Variants in CACNA2D3 observed in about 807,000 individuals in gnomAD.
CACNA2D3 encodes the protein calcium voltage-gated channel auxiliary subunit alpha2delta 3, also known as voltage-dependent calcium channel subunit alpha-2/delta-3.
In CACNA2D3, 60 loss-of-function variants were observed where a neutral mutation model predicts 160.6. That is an observed-to-expected ratio of 0.37 (90% confidence interval 0.30 to 0.46). The LOEUF is 0.46. Ranked by LOEUF, CACNA2D3 falls within the 20% of genes least tolerant of loss-of-function variation. The pLI is 1.00. For synonymous variants in CACNA2D3, 558 were observed against 492.9 expected, an observed-to-expected ratio of 1.13 and a Z score of -1.75; for missense variants, 1,205 against 1,365.0, an observed-to-expected ratio of 0.88 and a Z score of 1.85.
intron 2 of CACNA2D3, among the ~76,000 whole-genome samples, chr3:54,131,856 G>A (rs1042240681): frequency 5.9e-5 from 9 of 152,246 alleles, no homozygotes; most frequent in African/African-American, 1.9e-4. Flanking sequence ...CTGTAACATT[G>A]TGCTATAATT....
At chr3:54,257,124 A>G (rs1702312666) in intron 2 of CACNA2D3, among the ~76,000 whole-genome samples, 1 of 152,244 alleles carries the variant, frequency 6.6e-6, no homozygotes, top group African/African-American at 2.4e-5. Flanking sequence ...GGAATAGTCC[A>G]TTAGACATTT....
At chr3:54,636,561 G>T (rs1176078710) in intron 10 of CACNA2D3, among the ~76,000 whole-genome samples, 4 of 152,006 alleles carry the variant, frequency 2.6e-5, no homozygotes, top group Non-Finnish European at 5.9e-5. Flanking sequence ...TATTAAAGCA[G>T]CGGCAGCCTC....
chr3:54,216,831 AT>A (rs1701471563), intron 2 of CACNA2D3, among the ~76,000 whole-genome samples: 1 of 152,140 alleles, frequency 6.6e-6, no homozygotes, highest in South Asian at 2.1e-4. Context: ...TCTAGCTCTT[AT>A]TTTTTAGAGC....
chr3:54,443,586 C>G (rs1700176099), intron 4 of CACNA2D3, among the ~76,000 whole-genome samples: 1 of 152,164 alleles, frequency 6.6e-6, no homozygotes, highest in African/African-American at 2.4e-5. Flanking sequence ...CCTGACATGT[C>G]CACCAAGTGT....
chr3:54,940,160 G>A (rs1701431250), intron 27 of CACNA2D3, among the ~76,000 whole-genome samples: 1 of 152,176 alleles, frequency 6.6e-6, no homozygotes, highest in African/African-American at 2.4e-5. Context: ...CACACTCCCA[G>A]TAAGAAGCAT....
intron 4 of CACNA2D3, among the ~76,000 whole-genome samples, chr3:54,447,898 T>C (rs1045876674): frequency 6.6e-6 from 1 of 152,144 alleles, no homozygotes; most frequent in Non-Finnish European, 1.5e-5. Context: ...CAATAATACT[T>C]TGGGAGAGAG....
chr3:54,898,073 G>A (rs999377636), intron 26 of CACNA2D3, among the ~76,000 whole-genome samples: 8 of 151,622 alleles, frequency 5.3e-5, no homozygotes, highest in Non-Finnish European at 8.8e-5. Context: ...TCGCTTGCTT[G>A]CTTGCTTGCT....
chr3:54,678,404 C>A (rs1700279938), intron 11 of CACNA2D3, among the ~76,000 whole-genome samples: 3 of 151,980 alleles, frequency 2.0e-5, no homozygotes, highest in Admixed American at 1.3e-4. Context: ...TCTAACCACA[C>A]CTGAGGGAAA....
intron 5 of CACNA2D3, among the ~76,000 whole-genome samples, chr3:54,529,362 C>T (rs1189613763): frequency 3.3e-5 from 5 of 152,178 alleles, no homozygotes; most frequent in African/African-American, 1.2e-4. Flanking sequence ...TCACCCACAG[C>T]CTGTATGCCT....
At chr3:54,687,862 G>A (rs1017133386) in intron 11 of CACNA2D3, among the ~76,000 whole-genome samples, 1 of 152,290 alleles carries the variant, frequency 6.6e-6, no homozygotes, top group East Asian at 1.9e-4. Context: ...TCACTAGAAC[G>A]ACTTTATTAC....
At chr3:54,807,920 T>C (rs1381418535) in intron 13 of CACNA2D3, among the ~76,000 whole-genome samples, 8 of 147,136 alleles carry the variant, frequency 5.4e-5, no homozygotes, top group Non-Finnish European at 7.5e-5. Context: ...ATGGATGAAA[T>C]TGGAAATCAT....
chr3:54,384,972 C>T (rs1362201769), intron 3 of CACNA2D3, among the ~76,000 whole-genome samples: 6 of 152,148 alleles, frequency 3.9e-5, no homozygotes, highest in Non-Finnish European at 8.8e-5. Flanking sequence ...CTGCCCGCCT[C>T]TGCCTCCCAA....
intron 9 of CACNA2D3, 122 bp downstream of exon 9, chr3:54,581,999 C>A: frequency 1.5e-6 from 1 of 685,990 alleles, no homozygotes; most frequent in Non-Finnish European, 2.4e-6. Context: ...CTTGGAGCCC[C>A]CATGTGTAGA....
At chr3:54,612,016 A>G (rs938282945) in intron 9 of CACNA2D3, among the ~76,000 whole-genome samples, 1 of 152,196 alleles carries the variant, frequency 6.6e-6, no homozygotes, top group African/African-American at 2.4e-5. Flanking sequence ...CAATGCCCCC[A>G]TGGTCTGTCC....
intron 11 of CACNA2D3, among the ~76,000 whole-genome samples, chr3:54,722,844 G>C (rs768620301): frequency 2.6e-4 from 40 of 152,144 alleles, no homozygotes; most frequent in Non-Finnish European, 5.3e-4. Context: ...CTACTGAGAG[G>C]TGTCTCCCAG....
chr3:54,806,895 T>C (rs1703143425), intron 13 of CACNA2D3, among the ~76,000 whole-genome samples: 1 of 152,112 alleles, frequency 6.6e-6, no homozygotes. Flanking sequence ...TCAGAAATAA[T>C]GCTGCATATC....
intron 2 of CACNA2D3, among the ~76,000 whole-genome samples, chr3:54,147,295 C>G (rs1466330326): frequency 6.6e-6 from 1 of 152,184 alleles, no homozygotes; most frequent in Non-Finnish European, 1.5e-5. Flanking sequence ...CCTTGAGTGT[C>G]TAAGGCCGTC....
At chr3:54,497,132 A>G (rs564601295) in intron 4 of CACNA2D3, among the ~76,000 whole-genome samples, 8 of 152,166 alleles carry the variant, frequency 5.3e-5, no homozygotes, top group Admixed American at 1.3e-4. Context: ...TCAGCTTTTC[A>G]ATTTATATTA....
At chr3:54,254,647 A>G (rs1208794535) in intron 2 of CACNA2D3, among the ~76,000 whole-genome samples, 1 of 152,220 alleles carries the variant, frequency 6.6e-6, no homozygotes, top group Non-Finnish European at 1.5e-5. Context: ...AAATGCTAAG[A>G]CTAGCACATA....
Sources: gnomAD v4.1 joint callset for allele counts (sites outside exome capture counted in the v4.1 genomes callset) on GRCh38, gnomAD v4.1.1 for gene constraint, MANE v1.5 for transcripts, NCBI Gene and HGNC (gene_info 2026-07-23, HGNC 2026-07-21) for gene names.